MATCAP1: variants seen among roughly 807,000 people sequenced by gnomAD.
MATCAP1 encodes microtubule associated tyrosine carboxypeptidase 1, also known as microtubule-associated tyrosine carboxypeptidase 1.
At chr16:67,178,186 C>T in the MATCAP1 span, 43 of 1,534,764 alleles carry the variant, frequency 2.8e-5, 1 homozygote, top group Admixed American at 1.8e-4. Flanking sequence ...ACCTCCCCCG[C>T]GCTGGCGCAC....
chr16:67,180,682 G>A, the MATCAP1 span: 1 of 1,153,758 alleles, frequency 8.7e-7, no homozygotes. Context: ...GACACAGAAG[G>A]GCATGTGGAG....
chr16:67,176,491 T>G, the MATCAP1 span: 1 of 255,898 alleles, frequency 3.9e-6, no homozygotes, highest in Non-Finnish European at 7.4e-6. The surrounding 1 kb of genome is among the most constrained non-coding windows in gnomAD (Gnocchi z 4.3). Flanking sequence ...AGAACAAGTT[T>G]CTATTCCCAA....
the MATCAP1 span, chr16:67,180,514 G>T: frequency 1.9e-6 from 3 of 1,569,166 alleles, no homozygotes; most frequent in East Asian, 6.7e-5. Context: ...GGCCCATCTC[G>T]GTCTGAGGGC....
chr16:67,178,224 GCGCTTGGCGCGCACGCAGT>G, the MATCAP1 span: 1 of 1,541,014 alleles, frequency 6.5e-7, no homozygotes, highest in Non-Finnish European at 8.8e-7. Flanking sequence ...CGGTCTGGCC[GCGCTTGGCGCGCACGCAGT>G]ACTCCCAGCG....
At chr16:67,177,711 A>C in the MATCAP1 span, among the ~76,000 whole-genome samples, 1 of 152,236 alleles carries the variant, frequency 6.6e-6, no homozygotes, top group African/African-American at 2.4e-5. Context: ...TGCCAGTGCC[A>C]GGGAGTTGGT....
At chr16:67,179,231 C>T in the MATCAP1 span, 2 of 1,411,826 alleles carry the variant, frequency 1.4e-6, no homozygotes, top group Non-Finnish European at 9.2e-7. This position sits in a 1 kb window ranked among gnomAD's most constrained non-coding sequence, Gnocchi z 5.2. Context: ...AGAGCGAGCC[C>T]AGAGCATGGG....
At chr16:67,175,966 G>A in the MATCAP1 span, 1 of 152,656 alleles carries the variant, frequency 6.6e-6, no homozygotes, top group Non-Finnish European at 1.5e-5. Flanking sequence ...GTGAGGGTGT[G>A]AGCAAAGACA....
chr16:67,175,917 C>T, the MATCAP1 span: 4 of 152,354 alleles, frequency 2.6e-5, no homozygotes, highest in Non-Finnish European at 5.9e-5. Context: ...GCAATTGCAG[C>T]TGCTCCTAGG....
At chr16:67,180,030 G>A in the MATCAP1 span, 2 of 1,613,154 alleles carry the variant, frequency 1.2e-6, no homozygotes, top group Non-Finnish European at 8.5e-7. Flanking sequence ...CGGTGGGGAG[G>A]CTGGACTGAC....
the MATCAP1 span, among the ~76,000 whole-genome samples, chr16:67,182,409 T>G: frequency 2.6e-5 from 4 of 152,248 alleles, no homozygotes; most frequent in African/African-American, 9.6e-5. Context: ...CTATGGAAAC[T>G]TCTCCATTTA....
At chr16:67,180,479 G>A in the MATCAP1 span, 1 of 1,602,892 alleles carries the variant, frequency 6.2e-7, no homozygotes, top group Non-Finnish European at 8.5e-7. Flanking sequence ...GCAAGGCCAG[G>A]GACTGAGACC....
At chr16:67,179,841 T>A in the MATCAP1 span, 1 of 1,614,214 alleles carries the variant, frequency 6.2e-7, no homozygotes, top group Non-Finnish European at 8.5e-7. This position sits in a 1 kb window ranked among gnomAD's most constrained non-coding sequence, Gnocchi z 5.2. Context: ...TCCTTCTGCA[T>A]GTATTTGCGC....
chr16:67,183,394 A>G, the MATCAP1 span: 2 of 152,188 alleles, frequency 1.3e-5, no homozygotes, highest in African/African-American at 4.8e-5. Context: ...CACTTCCTCC[A>G]GGAAGCCTTC....
the MATCAP1 span, chr16:67,177,058 A>C: frequency 1.7e-4 from 221 of 1,289,004 alleles, no homozygotes; most frequent in Non-Finnish European, 2.0e-4. Flanking sequence ...CTTACAGCTC[A>C]CAGCCTTTGC....
the MATCAP1 span, chr16:67,179,144 C>T: frequency 8.1e-7 from 1 of 1,238,124 alleles, no homozygotes; most frequent in East Asian, 4.3e-5. This position sits in a 1 kb window ranked among gnomAD's most constrained non-coding sequence, Gnocchi z 5.2. Flanking sequence ...AGGGCCTGAC[C>T]AGCCTTGCCC....
chr16:67,179,290 C>T, the MATCAP1 span: 6 of 1,493,092 alleles, frequency 4.0e-6, no homozygotes, highest in Non-Finnish European at 2.7e-6. This position sits in a 1 kb window ranked among gnomAD's most constrained non-coding sequence, Gnocchi z 5.2. Flanking sequence ...GAGGTGGCTG[C>T]TCAGGAAGGG....
the MATCAP1 span, chr16:67,179,601 G>T: frequency 6.3e-7 from 1 of 1,589,542 alleles, no homozygotes; most frequent in Non-Finnish European, 8.6e-7. This position sits in a 1 kb window ranked among gnomAD's most constrained non-coding sequence, Gnocchi z 5.2. Context: ...CCACCAGCCT[G>T]GGGCCAGGGT....
At chr16:67,178,618 C>T in the MATCAP1 span, 9 of 933,128 alleles carry the variant, frequency 9.6e-6, no homozygotes, top group South Asian at 1.3e-4. Context: ...CACTTCCATC[C>T]TCATGCTCCT....
At chr16:67,182,961 G>GT in the MATCAP1 span, among the ~76,000 whole-genome samples, 1 of 152,168 alleles carries the variant, frequency 6.6e-6, no homozygotes, top group Non-Finnish European at 1.5e-5. Flanking sequence ...ATTCACAGCT[G>GT]TGTCCCCAGA....
Sources: allele counts gnomAD v4.1 joint callset (sites outside exome capture counted in the v4.1 genomes callset), GRCh38; gene constraint gnomAD v4.1.1; non-coding constraint Gnocchi (gnomAD v3.1); transcripts MANE v1.5; gene names NCBI Gene and HGNC (gene_info 2026-07-23, HGNC 2026-07-21).